The following PIK3CB variants were observed in gnomAD, a reference collection of about 807,000 sequenced individuals.
PIK3CB encodes phosphatidylinositol 4,5-bisphosphate 3-kinase catalytic subunit beta isoform.
PIK3CB carries 39 observed loss-of-function variants against 136.8 expected under a neutral mutation model. That is an observed-to-expected ratio of 0.29 (90% CI 0.22 to 0.37). The LOEUF (loss-of-function observed/expected upper bound fraction) is 0.37. Among genes scored for constraint, PIK3CB ranks in the 10% least tolerant of loss-of-function variants. The pLI is 1.00. For synonymous variants in PIK3CB, 428 were observed against 436.6 expected (o/e 0.98, Z 0.25); for missense variants, 868 against 1,275.4 (o/e 0.68, Z 4.87).
At chr3:138,804,638 A>G (rs903239989) in intron 1 of PIK3CB, among the ~76,000 whole-genome samples, 36 of 152,224 alleles carry the variant, frequency 2.4e-4, no homozygotes, top group Admixed American at 1.8e-3. Flanking sequence ...ATAAGCTAAA[A>G]TGTAAATCTG....
intron 4 of PIK3CB, among the ~76,000 whole-genome samples, chr3:138,749,385 C>A (rs1267594522): frequency 6.6e-6 from 1 of 152,156 alleles, no homozygotes; most frequent in Non-Finnish European, 1.5e-5. Flanking sequence ...CATTTTTTCA[C>A]TAATTTCTCT....
Position 138,707,242 on chromosome 3 carries a change from G to A in PIK3CB, c.1447C>T (p.Pro483Ser). 2 of 1,612,216 alleles carry A rather than the reference G, an allele frequency of 1.2e-6. No homozygotes were observed. The highest frequency in any genetic ancestry group is 1.7e-6 in the Non-Finnish European group (2 of 1,178,766). Reference protein sequence around the residue: ...LNPMGTVQTNPYTENATALHV... With the variant: ...LNPMGTVQTNSYTENATALHV... ...AAAGCTGTTGCATTTTCAGTATATG[G>A]ATTTGTTTGAACAGTTCCCATTGGA... The change falls in exon 11 of 24, where the codon CCA becomes TCA. Residue 483 changes from proline (P) to serine (S), a missense_variant. Physicochemically the swap from Pro to Ser is moderately conservative, Grantham distance 74. Transcript: ENST00000674063.
chr3:138,825,511 T>C (rs1443756544), intron 1 of PIK3CB: 1 of 682,006 alleles, frequency 1.5e-6, no homozygotes, highest in East Asian at 2.5e-5. Flanking sequence ...CACAGTAGCA[T>C]TTGTGCCAAC....
chr3:138,713,354 A>T (rs1355900338), intron 9 of PIK3CB, among the ~76,000 whole-genome samples: 1 of 151,194 alleles, frequency 6.6e-6, no homozygotes, highest in Non-Finnish European at 1.5e-5. Context: ...TAACCAGAGG[A>T]GATGCTTATA....
chr3:138,693,323 T>G (rs946187809), intron 14 of PIK3CB, among the ~76,000 whole-genome samples: 2 of 152,078 alleles, frequency 1.3e-5, no homozygotes, highest in African/African-American at 2.4e-5. Flanking sequence ...CTCAAACTCC[T>G]GGGCTCATCG....
chr3:138,781,835 T>C (rs2045927152), intron 2 of PIK3CB, among the ~76,000 whole-genome samples: 1 of 152,058 alleles, frequency 6.6e-6, no homozygotes, highest in Non-Finnish European at 1.5e-5. Context: ...TAAAAGAGGA[T>C]CACTTGACGC....
intron 2 of PIK3CB, chr3:138,778,418 G>A: frequency 3.3e-6 from 1 of 304,162 alleles, no homozygotes; most frequent in South Asian, 2.7e-5. Context: ...TGGTGCAATG[G>A]CTTTCCAGAA....
rs1007734138 is a variant in PIK3CB at position 138,652,898 on chromosome 3, T to C, written c.*2491A>G. ...ACTATGTACTCACAAAAATTAAAAA[T>C]TAAGAATTTGCATTTTTAACCAGTT... On this transcript the variant is annotated 3_prime_UTR_variant, in exon 24 of 24. Coordinates refer to ENST00000674063, the MANE Select transcript of PIK3CB (RefSeq NM_006219.3). The C allele has an allele frequency of 4.7e-6, 1 of 213,752 alleles. No individual in the cohort carries two copies. Among genetic ancestry groups the C allele is most frequent in the Non-Finnish European group, 9.4e-6 (1 of 106,002 alleles). The allele number at this position is 213,752 out of a possible 1,614,324, so 13.2% of individuals were successfully genotyped here.
At chr3:138,778,787 G>T in intron 2 of PIK3CB, 1 of 257,846 alleles carries the variant, frequency 3.9e-6, no homozygotes, top group South Asian at 5.2e-5. Context: ...CAGGGTGGTA[G>T]ACCTTATGGT....
chr3:138,814,318 A>G (rs1400869528), intron 1 of PIK3CB, among the ~76,000 whole-genome samples: 1 of 152,046 alleles, frequency 6.6e-6, no homozygotes, highest in Non-Finnish European at 1.5e-5. Flanking sequence ...ACTCTACTGA[A>G]AATACAAAAA....
chr3:138,682,570 G>A (rs2043803860), intron 18 of PIK3CB, among the ~76,000 whole-genome samples: 1 of 152,062 alleles, frequency 6.6e-6, no homozygotes, highest in South Asian at 2.1e-4. Flanking sequence ...ACCACTATAC[G>A]GAGAGTTCTT....
intron 10 of PIK3CB, among the ~76,000 whole-genome samples, chr3:138,710,892 G>A (rs1342608953): frequency 6.6e-6 from 1 of 151,792 alleles, no homozygotes; most frequent in Non-Finnish European, 1.5e-5. Context: ...AGACGATCCT[G>A]GCTAACACTG....
intron 8 of PIK3CB, among the ~76,000 whole-genome samples, chr3:138,716,961 A>G (rs1188368801): frequency 6.6e-6 from 1 of 151,118 alleles, no homozygotes; most frequent in Non-Finnish European, 1.5e-5. Context: ...AATACAAATA[A>G]AAGTAGTTTA....
At chr3:138,736,639 G>A (rs1004018388) in intron 6 of PIK3CB, among the ~76,000 whole-genome samples, 1 of 152,084 alleles carries the variant, frequency 6.6e-6, no homozygotes, top group Non-Finnish European at 1.5e-5. Flanking sequence ...TAGGGAGAGG[G>A]GTGCTGCACT....
chr3:138,817,064 C>T (rs970959376), intron 1 of PIK3CB, among the ~76,000 whole-genome samples: 7 of 151,568 alleles, frequency 4.6e-5, no homozygotes, highest in African/African-American at 1.7e-4. Flanking sequence ...AAAGGCCGGG[C>T]GCGGTGGCTC....
intron 10 of PIK3CB, 170 bp from the exon 11 acceptor site, chr3:138,707,459 A>C: frequency 7.4e-7 from 1 of 1,355,906 alleles, no homozygotes; most frequent in Non-Finnish European, 9.4e-7. Flanking sequence ...TGCTTGGAAC[A>C]AAATTTCAGT....
intron 10 of PIK3CB, among the ~76,000 whole-genome samples, chr3:138,708,351 C>A (rs1386893202): frequency 6.6e-6 from 1 of 151,066 alleles, no homozygotes; most frequent in African/African-American, 2.4e-5. Context: ...ACCTCCACCT[C>A]CCAGGCTCAA....
intron 1 of PIK3CB, among the ~76,000 whole-genome samples, chr3:138,828,840 G>A (rs894850919): frequency 2.0e-5 from 3 of 151,950 alleles, no homozygotes; most frequent in Non-Finnish European, 4.4e-5. Flanking sequence ...CCAAGCTGGA[G>A]TGCAATGGTG....
At chr3:138,753,207 C>T (rs1014177268) in intron 4 of PIK3CB, among the ~76,000 whole-genome samples, 1 of 151,238 alleles carries the variant, frequency 6.6e-6, no homozygotes, top group African/African-American at 2.4e-5. Flanking sequence ...CAGGGCAAGA[C>T]CCTGTCTCAA....
Sources: gnomAD v4.1 joint callset for allele counts (sites outside exome capture counted in the v4.1 genomes callset) on GRCh38, gnomAD v4.1.1 for gene constraint, MANE v1.5 for transcripts, NCBI Gene and HGNC (gene_info 2026-07-23, HGNC 2026-07-21) for gene names.